The following N4BP2 variants were observed in gnomAD, a reference collection of about 807,000 sequenced individuals.
The protein encoded by N4BP2 is NEDD4-binding protein 2.
A neutral mutation model predicts 152.8 loss-of-function variants in N4BP2; 91 were observed. The ratio of observed to expected loss-of-function variants is 0.60; its 90% CI spans 0.50 to 0.71. N4BP2 has a LOEUF of 0.71. N4BP2 is among the 30% of genes least tolerant of loss of function. The probability of loss-of-function intolerance (pLI) is 0.00; values close to 1 mark genes in which losing one functional copy is unlikely to be tolerated. For synonymous variants in N4BP2, 646 were observed against 705.3 expected (o/e 0.92, Z 1.33); for missense variants, 1,923 against 2,059.1 (o/e 0.93, Z 1.28).
chr4:40,133,075 TGTACCTTCTCAGAGAGA>T (rs753558067), intron 13 of N4BP2, among the ~76,000 whole-genome samples: 16 of 152,196 alleles, frequency 1.1e-4, no homozygotes, highest in Non-Finnish European at 1.8e-4. Context: ...GTTCTGGGCT[TGTACCTTCTCAGAGAGA>T]GAATCTTGGT....
Position 40,157,773 on chromosome 4 carries a change from T to C in N4BP2, c.*3536T>C, listed in dbSNP as rs1033103389. The C allele has an allele frequency of 6.6e-6, 1 of 152,164 alleles. No individual in the cohort carries two copies. The highest frequency in any genetic ancestry group is 1.5e-5 in the Non-Finnish European group (1 of 68,016). The allele number at this position is 152,164 out of a possible 1,614,324, so 9.4% of individuals were successfully genotyped here. The stretch of plus-strand genomic sequence containing the variant: ...TGGCCAAAAGGTGTCATTTAAAAGG[T>C]AAAATAAGTTTATGTAGAATGTATG... On this transcript the variant is annotated 3_prime_UTR_variant, in exon 18 of 18. Transcript: ENST00000261435.
Position 40,102,322 on chromosome 4 carries a change from C to G in N4BP2, c.477C>G (p.Asp159Glu). The G allele has an allele frequency of 6.2e-7, 1 of 1,613,322 alleles. No homozygotes were observed. The highest frequency in any genetic ancestry group is 8.5e-7 in the Non-Finnish European group (1 of 1,179,708). ...AFEKLNSSPD[D>E]QVYSFLPSQD... Reference sequence around the variant, plus strand: ...AGAAATTGAACTCTTCTCCTGATGACCAAGTATACTCATTTTTGCCTTCAC... The same window carrying G: ...AGAAATTGAACTCTTCTCCTGATGAGCAAGTATACTCATTTTTGCCTTCAC... Residue 159 changes from aspartate (D) to glutamate (E), a missense_variant, in exon 4 of 18, where the codon GAC becomes GAG. Transcript: ENST00000261435.
the N4BP2 span, among the ~76,000 whole-genome samples, chr4:40,180,534 C>T: frequency 6.6e-6 from 1 of 152,182 alleles, no homozygotes; most frequent in African/African-American, 2.4e-5. Context: ...CCTGCAAAGT[C>T]ACTTCCTGTC....
chr4:40,169,564 A>G, the N4BP2 span, among the ~76,000 whole-genome samples: 65 of 151,832 alleles, frequency 4.3e-4, no homozygotes, highest in South Asian at 1.4e-3. Context: ...AAACTTTGTA[A>G]AGAAAAAAAG....
chr4:40,135,929 G>A (rs561552125), intron 13 of N4BP2, among the ~76,000 whole-genome samples: 113 of 152,314 alleles, frequency 7.4e-4, no homozygotes, highest in Non-Finnish European at 1.3e-3. Context: ...GCCAATGGAA[G>A]AGGTGAGAGA....
In N4BP2 at chr4:40,154,207, A is replaced by AC; in HGVS notation, c.5285dup (p.Gly1763ArgfsTer11). 1 of 1,602,862 alleles carries AC rather than the reference A, an allele frequency of 6.2e-7. No individual in the cohort carries two copies. The highest frequency in any genetic ancestry group is 1.1e-5 in the South Asian group (1 of 89,036). Reference sequence around the variant, plus strand: ...ATTTCTGCAGGTTCTCTGAAATTAAACCAGGGTGCTTGAAAGTCATGCTAA... The same window carrying AC: ...ATTTCTGCAGGTTCTCTGAAATTAAACCCAGGGTGCTTGAAAGTCATGCTAA... On this transcript the variant is annotated frameshift_variant, in exon 18 of 18. Coordinates refer to ENST00000261435, the MANE Select transcript of N4BP2 (RefSeq NM_018177.6). LOFTEE classifies it high-confidence loss of function.
intron 16 of N4BP2, among the ~76,000 whole-genome samples, chr4:40,152,038 C>T (rs1025092575): frequency 1.3e-5 from 2 of 151,914 alleles, no homozygotes; most frequent in Admixed American, 6.6e-5. Flanking sequence ...GATTTATATC[C>T]TTGATTTTCA....
rs184281400 is a variant in N4BP2 at position 40,063,225 on chromosome 4, G to A, written c.-212+6195G>A. On this transcript the variant is annotated intron_variant, in intron 1 of 17. Transcript: ENST00000261435. ...ACAGAAATACAGCTTGAAGTAGCCTGTAGGGGAAAAAGTTATTGGTTCATA... is the reference window on the plus strand; with the variant it reads ...ACAGAAATACAGCTTGAAGTAGCCTATAGGGGAAAAAGTTATTGGTTCATA... 2.0e-4 allele frequency among the ~76,000 whole-genome samples: 30 copies of A among 152,126 alleles called. 1 individual carries two copies. Among genetic ancestry groups the A allele is most frequent in the Admixed American group, 1.9e-3 (29 of 15,266 alleles).
the N4BP2 span, chr4:40,167,563 C>G: frequency 6.6e-6 from 1 of 152,178 alleles, no homozygotes; most frequent in Non-Finnish European, 1.5e-5. Context: ...CATCATTCAC[C>G]TGCCAGAGTG....
intron 2 of N4BP2, among the ~76,000 whole-genome samples, chr4:40,089,835 A>T (rs529782219): frequency 6.6e-6 from 1 of 151,986 alleles, no homozygotes; most frequent in East Asian, 1.9e-4. Flanking sequence ...ACAAGGAGAG[A>T]TTTTCCCCTT....
intron 4 of N4BP2, 88 bp from the exon 5 acceptor site, chr4:40,106,812 T>C (rs1716344615): frequency 7.8e-7 from 1 of 1,281,832 alleles, no homozygotes; most frequent in Non-Finnish European, 1.1e-6. Context: ...AGTACTTGAA[T>C]AATTTATTTT....
At chr4:40,111,939 T>C in intron 5 of N4BP2, 145 bp from the exon 6 acceptor site, 1 of 522,600 alleles carries the variant, frequency 1.9e-6, no homozygotes, top group Non-Finnish European at 3.4e-6. Flanking sequence ...TTAATTTTTA[T>C]GTCCTCAAAG....
intron 4 of N4BP2, among the ~76,000 whole-genome samples, chr4:40,103,949 T>G (rs568563627): frequency 8.0e-4 from 122 of 152,264 alleles, no homozygotes; most frequent in Middle Eastern, 3.4e-3. Context: ...CTAATCTATT[T>G]TATATGCTAG....
intron 13 of N4BP2, 117 bp downstream of exon 13, chr4:40,132,036 T>C: frequency 1.4e-6 from 1 of 728,654 alleles, no homozygotes; most frequent in Non-Finnish European, 2.4e-6. Flanking sequence ...TCCTAATCTG[T>C]GGGTATTATT....
chr4:40,080,777 C>T (rs942757119), intron 2 of N4BP2, among the ~76,000 whole-genome samples: 21 of 151,984 alleles, frequency 1.4e-4, no homozygotes, highest in African/African-American at 3.6e-4. Context: ...GCTGCCTCAG[C>T]CTCCCACGTA....
At position 40,120,546 on chromosome 4, in the gene N4BP2, C is replaced by T. The variant is rs779946801; in HGVS notation, c.2435C>T (p.Ser812Phe). The T allele has an allele frequency of 6.2e-7, 1 of 1,613,894 alleles. No individual in the cohort carries two copies. The highest frequency in any genetic ancestry group is 1.7e-5 in the Admixed American group (1 of 59,972). The change falls in exon 9 of 18, where the codon TCC (serine) becomes TTC (phenylalanine). Residue 812 changes from serine (S) to phenylalanine (F), a missense_variant. Coordinates refer to ENST00000261435, the MANE Select transcript of N4BP2 (RefSeq NM_018177.6). ...KRNRKTEKTS[S>F]VQSDKKYNYP... ...AACAGAAAAACTGAAAAAACTTCAT[C>T]CGTACAAAGCGACAAAAAGTATAAT... is the stretch of plus-strand genomic sequence containing the variant.
At chr4:40,163,093 T>A (rs1240743613), downstream of N4BP2, among the ~76,000 whole-genome samples, 2 of 146,168 alleles carry the variant, frequency 1.4e-5, no homozygotes, top group African/African-American at 5.6e-5. Flanking sequence ...TCTGCCAAAT[T>A]GTTTGTTAGA....
chr4:40,149,384 A>G (rs1206574582), intron 16 of N4BP2, among the ~76,000 whole-genome samples: 2 of 152,246 alleles, frequency 1.3e-5, no homozygotes, highest in Non-Finnish European at 2.9e-5. Flanking sequence ...GTAAATCTAG[A>G]GAGACAAAAA....
intron 14 of N4BP2, among the ~76,000 whole-genome samples, chr4:40,138,950 G>A (rs1719653208): frequency 6.6e-6 from 1 of 152,142 alleles, no homozygotes; most frequent in South Asian, 2.1e-4. Context: ...ATTAGTTTGT[G>A]AATTTCTGCA....
Sources: allele counts gnomAD v4.1 joint callset (sites outside exome capture counted in the v4.1 genomes callset), GRCh38; gene constraint gnomAD v4.1.1; transcripts MANE v1.5; gene names NCBI Gene and HGNC (gene_info 2026-07-23, HGNC 2026-07-21).